DOCK2: variants seen among roughly 807,000 people sequenced by gnomAD.
DOCK2 encodes the protein dedicator of cytokinesis protein 2.
Under a neutral mutation model 248.9 loss-of-function variants are expected in DOCK2, and 87 were observed. The observed-to-expected ratio is 0.35, with a 90% CI of 0.29 to 0.42. The LOEUF is 0.42. Ranked by LOEUF, DOCK2 falls within the 10% of genes least tolerant of loss-of-function variation. DOCK2 has a pLI of 1.00. For synonymous variants in DOCK2, 805 were observed against 821.6 expected, an observed-to-expected ratio of 0.98 and a Z score of 0.35; for missense variants, 1,747 against 2,300.2, an observed-to-expected ratio of 0.76 and a Z score of 4.92.
chr5:169,654,945 C>T (rs1379460499), intron 2 of DOCK2, among the ~76,000 whole-genome samples: 1 of 152,216 alleles, frequency 6.6e-6, no homozygotes, highest in Non-Finnish European at 1.5e-5. Context: ...AAGCTGGGAG[C>T]CCTGTCTTGG....
At chr5:169,882,856 G>C (rs956538677) in intron 27 of DOCK2, 1 of 1,551,150 alleles carries the variant, frequency 6.4e-7, no homozygotes, top group African/African-American at 1.4e-5. Flanking sequence ...GGCAGATTTC[G>C]ATGCACTGTT....
chr5:169,967,820 C>A (rs1777358189), intron 27 of DOCK2, among the ~76,000 whole-genome samples: 1 of 151,890 alleles, frequency 6.6e-6, no homozygotes, highest in African/African-American at 2.4e-5. Context: ...AGACAAATTT[C>A]TTTTCTTTCA....
chr5:170,066,213 A>T (rs2113866680), intron 44 of DOCK2, among the ~76,000 whole-genome samples: 1 of 152,248 alleles, frequency 6.6e-6, no homozygotes, highest in South Asian at 2.1e-4. Flanking sequence ...GCCTCCCGCA[A>T]ATGAAAACTT....
intron 26 of DOCK2, among the ~76,000 whole-genome samples, chr5:169,827,361 G>A (rs1768933527): frequency 6.6e-6 from 1 of 152,158 alleles, no homozygotes; most frequent in Non-Finnish European, 1.5e-5. Context: ...AAACCTGGGA[G>A]CAGATGACTG....
intron 27 of DOCK2, among the ~76,000 whole-genome samples, chr5:169,943,901 G>A (rs1013679435): frequency 3.3e-5 from 5 of 152,222 alleles, no homozygotes; most frequent in Admixed American, 1.3e-4. Context: ...TGCTTCTAAT[G>A]TCATCTTTGC....
intron 27 of DOCK2, among the ~76,000 whole-genome samples, chr5:169,912,051 C>T (rs539192870): frequency 1.9e-4 from 29 of 152,314 alleles, no homozygotes; most frequent in Admixed American, 1.7e-3. Flanking sequence ...GCACATCAGG[C>T]TGTTGAACAA....
At chr5:170,045,972 G>C in intron 39 of DOCK2, 67 bp downstream of exon 39, 2 of 1,489,466 alleles carry the variant, frequency 1.3e-6, no homozygotes, top group Admixed American at 1.7e-5. Flanking sequence ...GCTCACCCCA[G>C]ATCCTGGGGA....
At chr5:169,990,711 T>C (rs1397679812) in intron 29 of DOCK2, among the ~76,000 whole-genome samples, 1 of 152,170 alleles carries the variant, frequency 6.6e-6, no homozygotes, top group Non-Finnish European at 1.5e-5. Context: ...TTATCTTTAG[T>C]TCTAACCAGT....
At chr5:170,038,297 C>T (rs1756390023) in intron 36 of DOCK2, among the ~76,000 whole-genome samples, 1 of 152,162 alleles carries the variant, frequency 6.6e-6, no homozygotes, top group African/African-American at 2.4e-5. Flanking sequence ...ATTTTAGAAA[C>T]ACAGACGGCA....
chr5:169,682,888 G>A (rs1323521004), intron 7 of DOCK2, among the ~76,000 whole-genome samples: 1 of 152,060 alleles, frequency 6.6e-6, no homozygotes, highest in African/African-American at 2.4e-5. Flanking sequence ...AAGTGGAATC[G>A]TGCAGTATTA....
intron 27 of DOCK2, among the ~76,000 whole-genome samples, chr5:169,952,695 C>T (rs1776708922): frequency 6.6e-6 from 1 of 152,206 alleles, no homozygotes; most frequent in Admixed American, 6.5e-5. Context: ...GGATATCATG[C>T]TCCAGCCAGC....
At chr5:170,076,396 C>T (rs1450675442) in intron 47 of DOCK2, among the ~76,000 whole-genome samples, 4 of 152,206 alleles carry the variant, frequency 2.6e-5, no homozygotes, top group African/African-American at 9.6e-5. Flanking sequence ...AAGCACTTGA[C>T]ATCTACTAGG....
At position 169,867,689 on chromosome 5, in the gene DOCK2, A is replaced by C. The variant is rs143301638; in HGVS notation, c.2799+26837A>C. The stretch of plus-strand genomic sequence containing the variant: ...TTTGTCTCTATCTATTGATCCCCCC[A>C]CACACATAGATCGCACACATACACA... On this transcript the variant is annotated intron_variant, in intron 27 of 51. Coordinates refer to ENST00000520908, the MANE Select transcript of DOCK2 (RefSeq NM_004946.3). Among the ~76,000 whole-genome samples, 27 of 152,128 alleles carry C rather than the reference A, an allele frequency of 1.8e-4. No homozygotes were observed. In the East Asian group the frequency reaches 3.1e-3, roughly 17 times the overall value.
chr5:169,779,509 C>T (rs1490056293), intron 25 of DOCK2: 2 of 152,244 alleles, frequency 1.3e-5, no homozygotes. Flanking sequence ...TGTCCAATGG[C>T]TCACACTGGC....
chr5:169,847,330 C>G (rs929476754), intron 27 of DOCK2, among the ~76,000 whole-genome samples: 2 of 152,220 alleles, frequency 1.3e-5, no homozygotes, highest in Admixed American at 1.3e-4. Flanking sequence ...TAAATGTTCT[C>G]TTTTCCCAAC....
intron 27 of DOCK2, among the ~76,000 whole-genome samples, chr5:169,893,022 C>G (rs774855534): frequency 2.2e-4 from 34 of 152,082 alleles, no homozygotes; most frequent in Middle Eastern, 3.2e-3. Flanking sequence ...CTTCCTCTTC[C>G]TTCATTTCTT....
chr5:169,995,662 A>G (rs1192864270), intron 29 of DOCK2, among the ~76,000 whole-genome samples: 1 of 152,232 alleles, frequency 6.6e-6, no homozygotes, highest in Non-Finnish European at 1.5e-5. Context: ...AATATCATTC[A>G]TGTATATACA....
chr5:169,686,512 G>A (rs1330780508), intron 8 of DOCK2, among the ~76,000 whole-genome samples: 1 of 152,166 alleles, frequency 6.6e-6, no homozygotes, highest in African/African-American at 2.4e-5. Context: ...GCAGAAACCA[G>A]CAATTGTGAA....
rs756301224 is a variant in DOCK2 at position 169,671,194 on chromosome 5, T to C, written c.321+20T>C. On this transcript the variant is annotated intron_variant, in intron 5 of 51. Coordinates refer to ENST00000520908, the MANE Select transcript of DOCK2 (RefSeq NM_004946.3). Reference sequence around the variant, plus strand: ...TATGTGGTGAGACTCAGAACTCTGCTCCCTGAGTTGGAAGCTTCTTGCAAT... The same window carrying C: ...TATGTGGTGAGACTCAGAACTCTGCCCCCTGAGTTGGAAGCTTCTTGCAAT... 5 of 1,597,854 alleles carry C rather than the reference T, an allele frequency of 3.1e-6. No individual in the cohort carries two copies. The highest frequency in any genetic ancestry group is 4.3e-6 in the Non-Finnish European group (5 of 1,166,866).
Sources: allele counts gnomAD v4.1 joint callset (sites outside exome capture counted in the v4.1 genomes callset), GRCh38; gene constraint gnomAD v4.1.1; transcripts MANE v1.5; gene names NCBI Gene and HGNC (gene_info 2026-07-23, HGNC 2026-07-21).